Variants in AKAP6 observed in about 807,000 individuals in gnomAD.
AKAP6 encodes A-kinase anchor protein 6.
Under a neutral mutation model 188.5 loss-of-function variants are expected in AKAP6, and 58 were observed. The observed-to-expected ratio is 0.31, with a 90% CI of 0.25 to 0.38. The LOEUF is 0.38. Ranked by LOEUF, AKAP6 falls within the 10% of genes least tolerant of loss-of-function variation. AKAP6 has a pLI of 1.00. For missense variants in AKAP6, 2,710 were observed against 2,740.0 expected (o/e 0.99, Z 0.24); for synonymous variants, 989 against 998.6 (o/e 0.99, Z 0.18).
chr14:32,622,299 T>C (rs1323134521), intron 7 of AKAP6, among the ~76,000 whole-genome samples: 1 of 152,158 alleles, frequency 6.6e-6, no homozygotes, highest in Non-Finnish European at 1.5e-5. Flanking sequence ...GATATAGTAG[T>C]GATAATATAA....
intron 1 of AKAP6, among the ~76,000 whole-genome samples, chr14:32,425,926 C>A (rs1345763440): frequency 1.3e-5 from 2 of 152,154 alleles, no homozygotes; most frequent in Admixed American, 1.3e-4. Flanking sequence ...TTTGCCCATG[C>A]CTATGTCCTG....
chr14:32,682,391 C>G (rs149714040), intron 8 of AKAP6, among the ~76,000 whole-genome samples: 92 of 152,208 alleles, frequency 6.0e-4, no homozygotes, highest in African/African-American at 2.1e-3. Flanking sequence ...GATGAGCTCT[C>G]GCAGGCAGGG....
intron 11 of AKAP6, among the ~76,000 whole-genome samples, chr14:32,759,724 C>A (rs1170913767): frequency 4.6e-5 from 7 of 152,076 alleles, no homozygotes; most frequent in Non-Finnish European, 1.0e-4. Flanking sequence ...AAGGCAAAAG[C>A]AAGAGCAAGC....
At chr14:32,700,656 T>C (rs575046850) in intron 9 of AKAP6, among the ~76,000 whole-genome samples, 49 of 152,330 alleles carry the variant, frequency 3.2e-4, no homozygotes, top group Admixed American at 2.3e-3. Flanking sequence ...TTCAGTATAG[T>C]AACATGCTGT....
chr14:32,764,005 T>C (rs765762483), intron 11 of AKAP6, among the ~76,000 whole-genome samples: 2 of 152,174 alleles, frequency 1.3e-5, no homozygotes, highest in African/African-American at 2.4e-5. Flanking sequence ...AAACACATAA[T>C]TGGCTAGAGA....
intron 9 of AKAP6, among the ~76,000 whole-genome samples, chr14:32,704,331 T>C (rs770124756): frequency 6.6e-6 from 1 of 152,230 alleles, no homozygotes; most frequent in Non-Finnish European, 1.5e-5. Context: ...GAATGCGTAG[T>C]ATTCCCTCTT....
chr14:32,751,485 C>T (rs2032135652), intron 11 of AKAP6, among the ~76,000 whole-genome samples: 2 of 137,152 alleles, frequency 1.5e-5, no homozygotes, highest in South Asian at 2.3e-4. Flanking sequence ...GACTAGGTAT[C>T]TGTCTCTTTT....
intron 12 of AKAP6, among the ~76,000 whole-genome samples, chr14:32,804,639 T>C (rs562590687): frequency 6.6e-6 from 1 of 151,700 alleles, no homozygotes. Flanking sequence ...GAAAACAGAG[T>C]TCGAGAGCAG....
At position 32,540,158 on chromosome 14, in the gene AKAP6, C is replaced by T. The variant is rs1250003869; in HGVS notation, c.576+4353C>T. Reference sequence around the variant, plus strand: ...TCTCTCTCTCTCTCTCTCTCTCTCTCTCTCTCTCTCTATATATATATATAT... The same window carrying T: ...TCTCTCTCTCTCTCTCTCTCTCTCTTTCTCTCTCTCTATATATATATATAT... On this transcript the variant is annotated intron_variant, in intron 3 of 13. Coordinates refer to ENST00000280979, the MANE Select transcript of AKAP6 (RefSeq NM_004274.5). Among the ~76,000 whole-genome samples, 43 of 112,754 alleles carry T rather than the reference C, an allele frequency of 3.8e-4. 1 individual carries two copies. Among genetic ancestry groups the T allele is most frequent in the African/African-American group, 1.7e-3 (39 of 22,682 alleles). The allele number at this position is 112,754 out of a possible 152,430, so 74.0% of individuals were successfully genotyped here.
At chr14:32,556,445 C>T (rs911380002) in intron 4 of AKAP6, among the ~76,000 whole-genome samples, 12 of 152,074 alleles carry the variant, frequency 7.9e-5, no homozygotes, top group African/African-American at 2.4e-4. Context: ...CAGGCTCAAT[C>T]GATCCACCTG....
rs1890487963 is a variant in AKAP6, at chr14:32,439,245, GA to G, written c.324+5433del. ...ACATGGGGTCTGGAGGGCCTACTGG[GA>G]AAAAGGATTGAATCCTCTCCACAGC... On this transcript the variant is annotated intron_variant, in intron 2 of 13. Transcript: ENST00000280979. Among the ~76,000 whole-genome samples the G allele has an allele frequency of 2.0e-5, 3 of 152,288 alleles. No individual in the cohort carries two copies. The South Asian group carries it at 6.2e-4, about 32-fold the overall frequency.
chr14:32,824,827 C>T lies in AKAP6; in HGVS notation c.*42+12C>T, dbSNP rs944933939. The T allele has an allele frequency of 5.2e-6, 8 of 1,541,190 alleles. No individual in the cohort carries two copies. Among genetic ancestry groups the T allele is most frequent in the African/African-American group, 4.2e-5 (3 of 72,196 alleles). ...CATCTCACTGAAAGGTACGTATAGT[C>T]CTCATGCCGTATATGTATTTAAAAT... On this transcript the variant is annotated intron_variant, in intron 13 of 13. Transcript: ENST00000280979.
chr14:32,415,362 T>C (rs913138643), intron 1 of AKAP6, among the ~76,000 whole-genome samples: 1 of 151,550 alleles, frequency 6.6e-6, no homozygotes, highest in Non-Finnish European at 1.5e-5. Flanking sequence ...CGGAATTGTT[T>C]TTTAATTAAA....
At chr14:32,696,146 G>A in intron 9 of AKAP6, 36 bp downstream of exon 9, 1 of 1,573,282 alleles carries the variant, frequency 6.4e-7, no homozygotes, top group Non-Finnish European at 8.6e-7. Flanking sequence ...CCTTGCTGTG[G>A]AAGATCTGAT....
intron 12 of AKAP6, among the ~76,000 whole-genome samples, chr14:32,787,175 AATG>A (rs1422632105): frequency 6.6e-6 from 1 of 152,252 alleles, no homozygotes; most frequent in African/African-American, 2.4e-5. Context: ...GGAAATTTGC[AATG>A]ATCAGACAGC....
chr14:32,711,803 C>A (rs1315936568), intron 9 of AKAP6, among the ~76,000 whole-genome samples: 1 of 151,920 alleles, frequency 6.6e-6, no homozygotes, highest in Non-Finnish European at 1.5e-5. Flanking sequence ...GATTGAGAAG[C>A]CATGTGATAA....
chr14:32,783,135 G>A (rs968683955), intron 12 of AKAP6, among the ~76,000 whole-genome samples: 2 of 152,030 alleles, frequency 1.3e-5, no homozygotes, highest in African/African-American at 4.8e-5. Flanking sequence ...TTTAATAGAA[G>A]TACAAAGGCA....
intron 7 of AKAP6, among the ~76,000 whole-genome samples, chr14:32,667,779 T>G (rs568682416): frequency 6.6e-6 from 1 of 152,212 alleles, no homozygotes; most frequent in Non-Finnish European, 1.5e-5. Flanking sequence ...GATAAATAAA[T>G]TGTTATTATT....
At chr14:32,725,010 A>AAAAAAC (rs894835511) in intron 9 of AKAP6, among the ~76,000 whole-genome samples, 3 of 150,006 alleles carry the variant, frequency 2.0e-5, no homozygotes, top group African/African-American at 7.3e-5. Flanking sequence ...AAAAAAAAAA[A>AAAAAAC]AAAAAAACAA....
Sources: allele counts gnomAD v4.1 joint callset (sites outside exome capture counted in the v4.1 genomes callset), GRCh38; gene constraint gnomAD v4.1.1; transcripts MANE v1.5; gene names NCBI Gene and HGNC (gene_info 2026-07-23, HGNC 2026-07-21).